Variants in AFF2 observed in about 807,000 individuals in gnomAD.
AFF2 encodes the protein AF4/FMR2 family member 2.
A neutral mutation model predicts 76.9 loss-of-function variants in AFF2; 14 were observed. That is an observed-to-expected ratio of 0.18 (90% confidence interval 0.12 to 0.28). The LOEUF (loss-of-function observed/expected upper bound fraction) is 0.28, where lower values mean the gene tolerates loss of function less well. Among genes scored for constraint, AFF2 ranks in the 10% least tolerant of loss-of-function variants. The pLI is 1.00. For missense variants in AFF2, 868 were observed against 1,001.1 expected (o/e 0.87, Z 1.79); for synonymous variants, 398 against 366.7 (o/e 1.09, Z -0.98).
chrX:148,854,266 A>G (rs2070763329), intron 7 of AFF2, among the ~76,000 whole-genome samples: 1 of 112,070 alleles, frequency 8.9e-6, no homozygotes, highest in African/African-American at 3.2e-5. Flanking sequence ...ATCTGCTAGA[A>G]AGAGTTTGTG....
chrX:148,797,491 C>G (rs2070000390), intron 3 of AFF2, among the ~76,000 whole-genome samples: 1 of 112,223 alleles, frequency 8.9e-6, no homozygotes, highest in African/African-American at 3.2e-5. Context: ...CTGTTCTTAG[C>G]CAATTACATT....
intron 3 of AFF2, among the ~76,000 whole-genome samples, chrX:148,683,097 AT>A (rs1448917028): frequency 9.0e-6 from 1 of 111,436 alleles, no homozygotes; most frequent in Non-Finnish European, 1.9e-5. Flanking sequence ...GTGGTCTTGG[AT>A]TTTCTTGTGT....
intron 1 of AFF2, among the ~76,000 whole-genome samples, chrX:148,577,519 A>G (rs2053303733): frequency 8.9e-6 from 1 of 112,309 alleles, no homozygotes; most frequent in Non-Finnish European, 1.9e-5. Flanking sequence ...AGACTGATGA[A>G]GGAAGTGATT....
chrX:148,894,934 C>G (rs782004579), intron 8 of AFF2, among the ~76,000 whole-genome samples: 2 of 110,554 alleles, frequency 1.8e-5, no homozygotes, highest in East Asian at 5.7e-4. Context: ...TACTATTTAG[C>G]CATAAAAGAG....
chrX:148,916,769 TTC>T (rs782000056), intron 9 of AFF2, among the ~76,000 whole-genome samples: 2 of 111,374 alleles, frequency 1.8e-5, no homozygotes, highest in Non-Finnish European at 3.8e-5. Context: ...GTACTCATCA[TTC>T]TCTCTCTCTC....
chrX:148,931,904 C>T (rs2071718148), intron 9 of AFF2, among the ~76,000 whole-genome samples: 1 of 111,993 alleles, frequency 8.9e-6, no homozygotes. Context: ...TTTATATTTT[C>T]TTTGTTGCTG....
chrX:148,947,023 G>A (rs939563491), intron 9 of AFF2, among the ~76,000 whole-genome samples: 1 of 112,299 alleles, frequency 8.9e-6, no homozygotes, highest in Non-Finnish European at 1.9e-5. Context: ...GATCACTTCA[G>A]TCATTCAGGG....
rs371514449 is a variant in AFF2, at chrX:148,867,055, G to A, written c.1263-18834G>A. On this transcript the variant is annotated intron_variant, in intron 7 of 20. Transcript: ENST00000370460. ...TCCTGAGAAGCAGAGCCTGACATAG[G>A]CATTCCTGTGAATTAACTCTAAAGA... Among the ~76,000 whole-genome samples, 36 of 112,293 alleles carry A rather than the reference G, an allele frequency of 3.2e-4. No individual in the cohort carries two copies. In the East Asian group the frequency reaches 8.5e-3, roughly 26 times the overall value.
chrX:148,569,984 T>TTGG (rs1232315421), intron 1 of AFF2, among the ~76,000 whole-genome samples: 1 of 111,794 alleles, frequency 8.9e-6, no homozygotes, highest in Non-Finnish European at 1.9e-5. Context: ...TTGATTGATA[T>TTGG]ATACTCATAT....
At chrX:148,811,504 C>T (rs895304699) in intron 4 of AFF2, among the ~76,000 whole-genome samples, 8 of 111,999 alleles carry the variant, frequency 7.1e-5, no homozygotes, top group Admixed American at 6.6e-4. Flanking sequence ...AGTCCTTGCT[C>T]ACTTGTCAAC....
chrX:148,600,220 A>G (rs1231707518), intron 1 of AFF2, among the ~76,000 whole-genome samples: 6 of 111,813 alleles, frequency 5.4e-5, no homozygotes, highest in Admixed American at 2.8e-4. Context: ...TAGCAACACA[A>G]TAGGTCTTTA....
rs782184936 is a variant in AFF2 at position 148,522,199 on chromosome X, C to T, written c.47+21055C>T. On this transcript the variant is annotated intron_variant, in intron 1 of 20. Coordinates refer to ENST00000370460, the MANE Select transcript of AFF2 (RefSeq NM_002025.4). Reference sequence around the variant, plus strand: ...TGACGACAAGAGGAAACATGGGTTGCACCTACTGGACCTAAAGTCTTCACT... The same window carrying T: ...TGACGACAAGAGGAAACATGGGTTGTACCTACTGGACCTAAAGTCTTCACT... 6.2e-5 allele frequency among the ~76,000 whole-genome samples: 7 copies of T among 112,484 alleles called. No homozygotes were observed. The South Asian group carries it at 2.6e-3, about 41-fold the overall frequency.
intron 1 of AFF2, among the ~76,000 whole-genome samples, chrX:148,570,400 G>C (rs782012118): frequency 8.9e-6 from 1 of 112,165 alleles, no homozygotes; most frequent in African/African-American, 3.2e-5. Context: ...ATCAAGATTT[G>C]AAGTCTCATA....
At chrX:148,607,531 A>C (rs929413173) in intron 1 of AFF2, among the ~76,000 whole-genome samples, 2 of 111,602 alleles carry the variant, frequency 1.8e-5, no homozygotes, top group Non-Finnish European at 3.8e-5. Context: ...AGGCCTCCCC[A>C]GCCATGTGGA....
At chrX:148,929,895 G>T (rs782369553) in intron 9 of AFF2, among the ~76,000 whole-genome samples, 54 of 111,667 alleles carry the variant, frequency 4.8e-4, no homozygotes, top group African/African-American at 1.6e-3. Context: ...TAAATTTATG[G>T]GCAGAAAGCA....
intron 3 of AFF2, among the ~76,000 whole-genome samples, chrX:148,787,136 G>A (rs533098922): frequency 1.1e-4 from 12 of 112,286 alleles, no homozygotes; most frequent in East Asian, 5.6e-4. Context: ...AGTCACAACT[G>A]TTGGCCAGAA....
At chrX:148,859,426 T>C (rs782661982) in intron 7 of AFF2, among the ~76,000 whole-genome samples, 21 of 110,644 alleles carry the variant, frequency 1.9e-4, no homozygotes, top group Non-Finnish European at 3.2e-4. Context: ...ATACCTTTAG[T>C]AAAAATGCTT....
chrX:148,660,227 G>A (rs1162700497), intron 2 of AFF2, among the ~76,000 whole-genome samples: 3 of 111,260 alleles, frequency 2.7e-5, no homozygotes, highest in Non-Finnish European at 5.7e-5. Flanking sequence ...TACTTTTTAC[G>A]GTATATGGAG....
chrX:148,757,834 C>A (rs1557267010), intron 3 of AFF2, among the ~76,000 whole-genome samples: 1 of 112,128 alleles, frequency 8.9e-6, no homozygotes, highest in African/African-American at 3.2e-5. Flanking sequence ...AAAGGTTAAA[C>A]TCTCATGCAT....
Sources: gnomAD v4.1 joint callset for allele counts (sites outside exome capture counted in the v4.1 genomes callset) on GRCh38, gnomAD v4.1.1 for gene constraint, MANE v1.5 for transcripts, NCBI Gene and HGNC (gene_info 2026-07-23, HGNC 2026-07-21) for gene names.